The following PTH1R variants were observed in gnomAD, a reference collection of about 807,000 sequenced individuals.
The protein encoded by PTH1R is parathyroid hormone 1 receptor.
Under a neutral mutation model 70.7 loss-of-function variants are expected in PTH1R, and 32 were observed. The observed-to-expected ratio is 0.45, with a 90% CI of 0.34 to 0.61. The LOEUF (loss-of-function observed/expected upper bound fraction) is 0.61. Among genes scored for constraint, PTH1R ranks in the 20% least tolerant of loss-of-function variants. The probability of loss-of-function intolerance (pLI) is 0.01; values close to 1 mark genes in which losing one functional copy is unlikely to be tolerated. For missense variants in PTH1R, 626 were observed against 792.5 expected, an observed-to-expected ratio of 0.79 and a Z score of 2.52; for synonymous variants, 329 against 324.8, an observed-to-expected ratio of 1.01 and a Z score of -0.14.
chr3:46,898,464 C>T lies in PTH1R; in HGVS notation c.630C>T (p.Ala210=). 6.2e-7 allele frequency: 1 copy of T among 1,614,010 alleles called. No individual in the cohort carries two copies. The highest frequency in any genetic ancestry group is 8.5e-7 in the Non-Finnish European group (1 of 1,179,980). Residue 210 remains alanine, a synonymous_variant, in exon 8 of 16, where the codon GCC becomes GCT. Coordinates refer to ENST00000449590, the MANE Select transcript of PTH1R (RefSeq NM_000316.3). ...ASLTVAVLIL[A]YFRRLHCTRN... ...TCACCGTAGCTGTGCTCATCCTGGCCTACTTTAGGTGGGCGGGGCGGGGCG... is the reference window on the plus strand; with the variant it reads ...TCACCGTAGCTGTGCTCATCCTGGCTTACTTTAGGTGGGCGGGGCGGGGCG...
Position 46,891,576 on chromosome 3 carries a change from G to A in PTH1R, c.76-2331G>A, listed in dbSNP as rs2031416771. 2.6e-5 allele frequency among the ~76,000 whole-genome samples: 4 copies of A among 152,220 alleles called. No homozygotes were observed. In the South Asian group the frequency reaches 8.3e-4, roughly 32 times the overall value. ...ATGGGTTTGTCTTGAGAGGGGTGGA[G>A]GTGGCAGAAGAAGAAGGATAGTGGG... On this transcript the variant is annotated intron_variant, in intron 3 of 15. Transcript: ENST00000449590. This position sits in a 1 kb window ranked among gnomAD's most constrained non-coding sequence, Gnocchi z 4.3.
intron 5 of PTH1R, 100 bp from the exon 6 acceptor site, chr3:46,897,755 C>T (rs1394681936): frequency 1.7e-6 from 2 of 1,154,144 alleles, no homozygotes; most frequent in Non-Finnish European, 2.6e-6. Flanking sequence ...AAAACAAAAA[C>T]AAAAACAAAC....
intron 5 of PTH1R, 116 bp from the exon 6 acceptor site, chr3:46,897,736 AAAC>A: frequency 2.0e-6 from 2 of 991,112 alleles, no homozygotes; most frequent in Admixed American, 2.0e-5. Flanking sequence ...CGTCTCAAAA[AAAC>A]AAAACAAAAC....
rs140901395 is a variant in PTH1R, at chr3:46,891,754, ATGG to A, written c.76-2147_76-2145del. 0.053 allele frequency among the ~76,000 whole-genome samples: 8,076 copies of A among 152,030 alleles called. 277 individuals are homozygous for A. The highest frequency in any genetic ancestry group is 0.08 in the Non-Finnish European group (5,415 of 67,966). ...TGATGTACCAGTTGTGATGGTGCAG[ATGG>A]TGGTGATGGTGGTTATATGGATGGT... is the stretch of plus-strand genomic sequence containing the variant. On this transcript the variant is annotated intron_variant, in intron 3 of 15. Transcript: ENST00000449590. The surrounding 1 kb of genome is among the most constrained non-coding windows in gnomAD (Gnocchi z 4.3).
Position 46,903,651 on chromosome 3 carries a change from A to G in PTH1R, c.1777A>G (p.Met593Val). ...GCTACAGGAAGAGTGGGAGACAGTC[A>G]TGTGACCAGGCGCTGGGGGCTGGAC... is the stretch of plus-strand genomic sequence containing the variant. ...ALLQEEWETV[M>V] The change falls in exon 16 of 16, where the codon ATG becomes GTG. Residue 593 changes from methionine (M) to valine (V), a missense_variant. Transcript: ENST00000449590. The surrounding 1 kb of genome is among the most constrained non-coding windows in gnomAD (Gnocchi z 4.4). 6.2e-7 allele frequency: 1 copy of G among 1,609,016 alleles called. No individual in the cohort carries two copies. The highest frequency in any genetic ancestry group is 1.3e-5 in the African/African-American group (1 of 75,064).
chr3:46,883,433 G>A lies in PTH1R; in HGVS notation c.-48-79G>A. 1.5e-6 allele frequency: 1 copy of A among 680,036 alleles called. No individual in the cohort carries two copies. The highest frequency in any genetic ancestry group is 1.9e-6 in the Non-Finnish European group (1 of 521,090). The allele number at this position is 680,036 out of a possible 1,614,324, so 42.1% of individuals were successfully genotyped here. ...CCGGGCCCCGGGGCCTCGGGCCGCCGGGACGCCGGGGTCCCATAGGCCGGG... is the reference window on the plus strand; with the variant it reads ...CCGGGCCCCGGGGCCTCGGGCCGCCAGGACGCCGGGGTCCCATAGGCCGGG... On this transcript the variant is annotated intron_variant, in intron 2 of 15. Transcript: ENST00000449590. This position sits in a 1 kb window ranked among gnomAD's most constrained non-coding sequence, Gnocchi z 6.4.
chr3:46,891,776 G>T lies in PTH1R; in HGVS notation c.76-2131G>T, dbSNP rs1466275. The stretch of plus-strand genomic sequence containing the variant: ...CAGATGGTGGTGATGGTGGTTATAT[G>T]GATGGTTACAGTAGTGCTCATGGTG... On this transcript the variant is annotated intron_variant, in intron 3 of 15. Transcript: ENST00000449590. This position sits in a 1 kb window ranked among gnomAD's most constrained non-coding sequence, Gnocchi z 4.3. Among the ~76,000 whole-genome samples the T allele has an allele frequency of 0.48, 73,049 of 151,844 alleles. 19,096 individuals carry two copies. Among genetic ancestry groups the T allele is most frequent in the Non-Finnish European group, 0.58 (39,457 of 67,906 alleles).
At position 46,902,685 on chromosome 3, in the gene PTH1R, G is replaced by A. The variant is rs200191966; in HGVS notation, c.1353+18G>A. 53 of 1,613,978 alleles carry A rather than the reference G, an allele frequency of 3.3e-5. No homozygotes were observed. Among genetic ancestry groups the A allele is most frequent in the Admixed American group, 6.7e-5 (4 of 59,992 alleles). On this transcript the variant is annotated intron_variant, in intron 14 of 15. Coordinates refer to ENST00000449590, the MANE Select transcript of PTH1R (RefSeq NM_000316.3). The surrounding 1 kb of genome is among the most constrained non-coding windows in gnomAD (Gnocchi z 5.4). ...CCTTCCAGGTGCGCAGTGCTGGCCC[G>A]GGCCTGGCTGAGGGTGGGAGGGGTT...
chr3:46,892,660 G>T lies in PTH1R; in HGVS notation c.76-1247G>T. ...CGGCCTGCCCGCCCCTCTCGCCGGTGCCCGCCCCATGCCCGACCCGCCTTC... is the reference window on the plus strand; with the variant it reads ...CGGCCTGCCCGCCCCTCTCGCCGGTTCCCGCCCCATGCCCGACCCGCCTTC... On this transcript the variant is annotated intron_variant, in intron 3 of 15. Transcript: ENST00000449590. The surrounding 1 kb of genome is among the most constrained non-coding windows in gnomAD (Gnocchi z 5.2). 2.3e-6 allele frequency: 2 copies of T among 869,692 alleles called. No homozygotes were observed. The highest frequency in any genetic ancestry group is 1.2e-4 in the East Asian group (1 of 8,282). The allele number at this position is 869,692 out of a possible 1,614,324, so 53.9% of individuals were successfully genotyped here. A position where few individuals can be genotyped will look rare whatever the true frequency, so the allele number is the denominator to read the frequency against.
chr3:46,897,744 C>CAAAACA (rs1205103149), intron 5 of PTH1R, 111 bp from the exon 6 acceptor site: 14 of 1,085,472 alleles, frequency 1.3e-5, no homozygotes, highest in African/African-American at 1.2e-4. Flanking sequence ...AAAAACAAAA[C>CAAAACA]AAAACAAAAA....
intron 3 of PTH1R, among the ~76,000 whole-genome samples, chr3:46,885,620 G>A (rs1461133894): frequency 1.3e-5 from 2 of 152,204 alleles, no homozygotes; most frequent in African/African-American, 4.8e-5. Context: ...GCCCATGTCT[G>A]AGAGTAGAAG....
At chr3:46,899,697 A>G (rs2031999069) in intron 10 of PTH1R, among the ~76,000 whole-genome samples, 1 of 152,158 alleles carries the variant, frequency 6.6e-6, no homozygotes, top group Non-Finnish European at 1.5e-5. Flanking sequence ...TCGGCCCAGG[A>G]GAGGGAAAGG....
Position 46,897,911 on chromosome 3 carries a change from G to A in PTH1R, c.370G>A (p.Gly124Ser). ...HILCWPLGAP[G>S]EVVAVPCPDY... Reference sequence around the variant, plus strand: ...CCTGTGCTGGCCGCTGGGGGCACCAGGTGAGGTGGTGGCTGTGCCCTGTCC... The same window carrying A: ...CCTGTGCTGGCCGCTGGGGGCACCAAGTGAGGTGGTGGCTGTGCCCTGTCC... The change falls in exon 6 of 16, where the codon GGT becomes AGT. Residue 124 changes from glycine to serine, a missense_variant. By Grantham distance (56) the Gly-to-Ser change is moderately conservative. Coordinates refer to ENST00000449590, the MANE Select transcript of PTH1R (RefSeq NM_000316.3). The A allele has an allele frequency of 6.2e-7, 1 of 1,614,088 alleles. No homozygotes were observed. Among genetic ancestry groups the A allele is most frequent in the Non-Finnish European group, 8.5e-7 (1 of 1,180,032 alleles).
In PTH1R at chr3:46,898,648, C is replaced by G. The variant is rs368282769; in HGVS notation, c.639-14C>G. ...CCCGTGCCCCCACCCACGGTCATGT[C>G]GCGCGCCCCGCAGGCGGCTGCACTG... On this transcript the variant is annotated splice_polypyrimidine_tract_variant and intron_variant, in intron 8 of 15. Coordinates refer to ENST00000449590, the MANE Select transcript of PTH1R (RefSeq NM_000316.3). 6.2e-7 allele frequency: 1 copy of G among 1,611,140 alleles called. No individual in the cohort carries two copies. The highest frequency in any genetic ancestry group is 1.1e-5 in the South Asian group (1 of 91,068).
rs2107065544 is a variant in PTH1R, at chr3:46,902,894, C to T, written c.1395+104C>T. The T allele has an allele frequency of 2.0e-6, 3 of 1,476,878 alleles. No individual in the cohort carries two copies. Among genetic ancestry groups the T allele is most frequent in the African/African-American group, 2.8e-5 (2 of 72,034 alleles). The allele number at this position is 1,476,878 out of a possible 1,614,324, so 91.5% of individuals were successfully genotyped here. On this transcript the variant is annotated intron_variant, in intron 15 of 15. Transcript: ENST00000449590. The surrounding 1 kb of genome is among the most constrained non-coding windows in gnomAD (Gnocchi z 5.4). ...CTTCCACCCTGTTATTTCTTTGTTC[C>T]TCCAAGAACACCCCTGAGGACATTC...
chr3:46,886,992 C>G (rs1187335671), intron 3 of PTH1R, among the ~76,000 whole-genome samples: 1 of 151,928 alleles, frequency 6.6e-6, no homozygotes, highest in East Asian at 1.9e-4. Flanking sequence ...ACCTGTAATC[C>G]TAACACTTTG....
chr3:46,900,431 A>G (rs998049832), intron 10 of PTH1R, among the ~76,000 whole-genome samples: 9 of 152,134 alleles, frequency 5.9e-5, no homozygotes, highest in Admixed American at 4.6e-4. Flanking sequence ...AGTTGGTGGT[A>G]TGTGGTCGGG....
rs574396882 is a variant in PTH1R, at chr3:46,902,234, C to T, written c.1212-292C>T. On this transcript the variant is annotated intron_variant, in intron 13 of 15. Coordinates refer to ENST00000449590, the MANE Select transcript of PTH1R (RefSeq NM_000316.3). The surrounding 1 kb of genome is among the most constrained non-coding windows in gnomAD (Gnocchi z 5.4). ...GAGCGGACTGTGGGATAGTGAGGTT[C>T]GACCGTGGAGGGGAGTGCTTGCCAG... 1.4e-3 allele frequency among the ~76,000 whole-genome samples: 219 copies of T among 152,256 alleles called. 1 individual carries two copies. The highest frequency in any genetic ancestry group is 4.3e-3 in the African/African-American group (179 of 41,540).
In PTH1R at chr3:46,895,719, A is replaced by G. The variant is rs763441729; in HGVS notation, c.179-16A>G. On this transcript the variant is annotated splice_polypyrimidine_tract_variant and intron_variant, in intron 4 of 15. Transcript: ENST00000449590. ...AGCACAGCTGACAGCCATCATTACC[A>G]CCCTGGTTTCTCCAGCCAGCATAAT... is the stretch of plus-strand genomic sequence containing the variant. 6.2e-7 allele frequency: 1 copy of G among 1,613,834 alleles called. No homozygotes were observed. The highest frequency in any genetic ancestry group is 1.1e-5 in the South Asian group (1 of 91,058).
Sources: allele counts gnomAD v4.1 joint callset (sites outside exome capture counted in the v4.1 genomes callset), GRCh38; gene constraint gnomAD v4.1.1; non-coding constraint Gnocchi (gnomAD v3.1); transcripts MANE v1.5; gene names NCBI Gene and HGNC (gene_info 2026-07-23, HGNC 2026-07-21).